Variants in ZMIZ1 observed in about 807,000 individuals in gnomAD.
ZMIZ1 encodes zinc finger MIZ-type containing 1.
Under a neutral mutation model 113.9 loss-of-function variants are expected in ZMIZ1, and 17 were observed. The ratio of observed to expected loss-of-function variants is 0.15; its 90% confidence interval spans 0.10 to 0.22. The LOEUF (loss-of-function observed/expected upper bound fraction) is 0.22. ZMIZ1 is among the 10% of genes least tolerant of loss of function. The probability of loss-of-function intolerance (pLI) is 1.00; values close to 1 mark genes in which losing one functional copy is unlikely to be tolerated. For missense variants in ZMIZ1, 1,059 were observed against 1,477.8 expected, an observed-to-expected ratio of 0.72 and a Z score of 4.65; for synonymous variants, 607 against 603.1, an observed-to-expected ratio of 1.01 and a Z score of -0.09.
intron 4 of ZMIZ1, among the ~76,000 whole-genome samples, chr10:79,182,576 G>A (rs557417730): frequency 6.6e-6 from 1 of 152,324 alleles, no homozygotes; most frequent in South Asian, 2.1e-4. Flanking sequence ...TACCAGCAAG[G>A]TGACCCCAGT....
At chr10:79,195,014 T>G (rs550492479) in intron 4 of ZMIZ1, among the ~76,000 whole-genome samples, 1 of 152,262 alleles carries the variant, frequency 6.6e-6, no homozygotes, top group Non-Finnish European at 1.5e-5. Flanking sequence ...AGCACAGAGC[T>G]GTGAAAGGGG....
chr10:79,236,324 A>G (rs1224544397), intron 7 of ZMIZ1, among the ~76,000 whole-genome samples: 1 of 152,228 alleles, frequency 6.6e-6, no homozygotes, highest in Non-Finnish European at 1.5e-5. Flanking sequence ...CAGCCCAGAC[A>G]GGGAGGTGTG....
chr10:79,229,672 T>C (rs937846292), intron 7 of ZMIZ1, among the ~76,000 whole-genome samples: 1 of 152,196 alleles, frequency 6.6e-6, no homozygotes, highest in Non-Finnish European at 1.5e-5. Context: ...GGGTAGCTAT[T>C]ATGTTTAGAC....
intron 6 of ZMIZ1, among the ~76,000 whole-genome samples, chr10:79,215,027 A>G (rs2132708156): frequency 6.8e-6 from 1 of 148,060 alleles, no homozygotes; most frequent in South Asian, 2.1e-4. Flanking sequence ...TCACCCTGCC[A>G]GTCCCTACTT....
At chr10:79,259,008 C>T (rs943591264) in intron 7 of ZMIZ1, among the ~76,000 whole-genome samples, 8 of 152,270 alleles carry the variant, frequency 5.3e-5, no homozygotes, top group South Asian at 2.1e-4. Context: ...TTGTGTGTGA[C>T]GGTCTAATTT....
At position 79,312,848 on chromosome 10, in the gene ZMIZ1, C is replaced by T; in HGVS notation, c.*99C>T. On this transcript the variant is annotated 3_prime_UTR_variant, in exon 25 of 25. Transcript: ENST00000334512. ...GAGCCTGTGCCCTCAGACCGCCCCGCACCAGAGCCACGGGCTGTGGGGCGG... is the reference window on the plus strand; with the variant it reads ...GAGCCTGTGCCCTCAGACCGCCCCGTACCAGAGCCACGGGCTGTGGGGCGG... 2 of 1,134,144 alleles carry T rather than the reference C, an allele frequency of 1.8e-6. No individual in the cohort carries two copies. The highest frequency in any genetic ancestry group is 1.3e-6 in the Non-Finnish European group (1 of 775,678). The allele number at this position is 1,134,144 out of a possible 1,614,324, so 70.3% of individuals were successfully genotyped here.
In ZMIZ1 at chr10:79,312,878, C is replaced by G. The variant is rs1229753504; in HGVS notation, c.*129C>G. On this transcript the variant is annotated 3_prime_UTR_variant, in exon 25 of 25. Coordinates refer to ENST00000334512, the MANE Select transcript of ZMIZ1 (RefSeq NM_020338.4). ...GAGCCACGGGCTGTGGGGCGGGGAG[C>G]CCTCCCCCGCTGCAGCCCTCTCAGA... is the stretch of plus-strand genomic sequence containing the variant. 1.3e-6 allele frequency: 1 copy of G among 787,722 alleles called. No homozygotes were observed. Among genetic ancestry groups the G allele is most frequent in the Non-Finnish European group, 2.0e-6 (1 of 491,444 alleles). The allele number at this position is 787,722 out of a possible 1,614,324, so 48.8% of individuals were successfully genotyped here. A position where few individuals can be genotyped will look rare whatever the true frequency, so the allele number is the denominator to read the frequency against.
chr10:79,224,663 C>G (rs549361835), intron 7 of ZMIZ1, among the ~76,000 whole-genome samples: 1 of 152,152 alleles, frequency 6.6e-6, no homozygotes, highest in African/African-American at 2.4e-5. Flanking sequence ...CCCACGGCCA[C>G]CTGATTGGGA....
intron 4 of ZMIZ1, among the ~76,000 whole-genome samples, chr10:79,198,617 A>T (rs1847940170): frequency 6.6e-6 from 1 of 152,214 alleles, no homozygotes. Flanking sequence ...TCCAGAAAGC[A>T]CTTATCAAAA....
chr10:79,312,201 A>G (rs1334160905), intron 24 of ZMIZ1, among the ~76,000 whole-genome samples: 1 of 152,200 alleles, frequency 6.6e-6, no homozygotes, highest in Non-Finnish European at 1.5e-5. Flanking sequence ...GCCCTTGAGA[A>G]GAGGGATGTT....
At chr10:79,297,798 G>A (rs1854004236) in intron 14 of ZMIZ1, 108 bp downstream of exon 14, 3 of 940,130 alleles carry the variant, frequency 3.2e-6, no homozygotes, top group African/African-American at 1.7e-5. Context: ...GGGCCCATGG[G>A]TGGGGGTGCA....
intron 7 of ZMIZ1, among the ~76,000 whole-genome samples, chr10:79,240,302 G>A (rs561281087): frequency 6.6e-6 from 1 of 152,202 alleles, no homozygotes; most frequent in Non-Finnish European, 1.5e-5. Flanking sequence ...CTTTGTCTGC[G>A]GCCTCTTTGC....
rs886482680 is a variant in ZMIZ1, at chr10:79,293,479, G to A, written c.1056G>A (p.Ala352=). ...GCAGCATGAACCCCGCGAGCATGGC[G>A]GCTGGCATGACGCCCTCGGGGATGA... is the stretch of plus-strand genomic sequence containing the variant. ...MGGSMNPASM[A]AGMTPSGMSG... Residue 352 remains alanine, a synonymous_variant, in exon 12 of 25, where the codon GCG becomes GCA. Coordinates refer to ENST00000334512, the MANE Select transcript of ZMIZ1 (RefSeq NM_020338.4). The A allele has an allele frequency of 1.5e-5, 23 of 1,573,540 alleles. No individual in the cohort carries two copies. Among genetic ancestry groups the A allele is most frequent in the Middle Eastern group, 1.7e-4 (1 of 5,902 alleles).
chr10:79,105,487 G>A (rs77249489), intron 1 of ZMIZ1, among the ~76,000 whole-genome samples: 1 of 152,338 alleles, frequency 6.6e-6, no homozygotes, highest in African/African-American at 2.4e-5. Flanking sequence ...AAACAAAAGT[G>A]ACCGTTGGCA....
chr10:79,120,209 C>T (rs1589295190), intron 2 of ZMIZ1, among the ~76,000 whole-genome samples: 1 of 152,194 alleles, frequency 6.6e-6, no homozygotes, highest in African/African-American at 2.4e-5. Context: ...TCCTCACAAA[C>T]GTGTACACAG....
intron 1 of ZMIZ1, among the ~76,000 whole-genome samples, chr10:79,070,335 C>G (rs954933693): frequency 1.5e-4 from 23 of 151,194 alleles, no homozygotes; most frequent in African/African-American, 5.6e-4. Flanking sequence ...GCAGGCTCCC[C>G]GCCCTGGAGC....
intron 8 of ZMIZ1, among the ~76,000 whole-genome samples, chr10:79,287,772 G>A (rs1374243359): frequency 1.3e-5 from 2 of 152,210 alleles, no homozygotes; most frequent in East Asian, 1.9e-4. Flanking sequence ...GAGTAGAGTG[G>A]GGAGGTATCA....
intron 3 of ZMIZ1, among the ~76,000 whole-genome samples, chr10:79,148,928 C>G (rs1163964593): frequency 6.6e-6 from 1 of 152,208 alleles, no homozygotes; most frequent in Non-Finnish European, 1.5e-5. Context: ...CTGTACGTGG[C>G]CCCGCCAGGG....
chr10:79,158,016 A>G (rs1315646047), intron 3 of ZMIZ1, among the ~76,000 whole-genome samples: 1 of 152,206 alleles, frequency 6.6e-6, no homozygotes, highest in Non-Finnish European at 1.5e-5. Flanking sequence ...CAGCTTGGCC[A>G]GGGGAGCGGC....
Sources: allele counts gnomAD v4.1 joint callset (sites outside exome capture counted in the v4.1 genomes callset), GRCh38; gene constraint gnomAD v4.1.1; transcripts MANE v1.5; gene names NCBI Gene and HGNC (gene_info 2026-07-23, HGNC 2026-07-21).